Variants in ANO6 observed in about 807,000 individuals in gnomAD.
The protein encoded by ANO6 is anoctamin 6.
Under a neutral mutation model 117.5 loss-of-function variants are expected in ANO6, and 106 were observed. The observed-to-expected ratio is 0.90, with a 90% CI of 0.77 to 1.06. The LOEUF (loss-of-function observed/expected upper bound fraction) is 1.06, where lower values mean the gene tolerates loss of function less well. Among genes scored for constraint, ANO6 ranks in the 50% least tolerant of loss-of-function variants. ANO6 has a pLI of 0.00. For synonymous variants in ANO6, 367 were observed against 385.1 expected (o/e 0.95, Z 0.55); for missense variants, 955 against 1,121.1 (o/e 0.85, Z 2.12).
At chr12:45,359,800 T>C (rs1483258311) in intron 8 of ANO6, among the ~76,000 whole-genome samples, 1 of 152,234 alleles carries the variant, frequency 6.6e-6, no homozygotes, top group East Asian at 1.9e-4. Flanking sequence ...CTTGAGAATA[T>C]AACAAAGAAT....
intron 1 of ANO6, chr12:45,293,003 CT>C: frequency 2.0e-6 from 3 of 1,538,402 alleles, no homozygotes; most frequent in South Asian, 2.4e-5. Flanking sequence ...GGGGAGGCTC[CT>C]TTTTTATAAA....
At chr12:45,260,961 TG>T (rs1243714148) in intron 1 of ANO6, among the ~76,000 whole-genome samples, 1 of 137,394 alleles carries the variant, frequency 7.3e-6, no homozygotes, top group African/African-American at 2.5e-5. Flanking sequence ...CTGTTTTTTT[TG>T]TTTGTTTGTT....
intron 7 of ANO6, among the ~76,000 whole-genome samples, chr12:45,355,273 AT>A (rs1941381089): frequency 6.6e-6 from 1 of 152,134 alleles, no homozygotes; most frequent in South Asian, 2.1e-4. Context: ...AATCCTCATT[AT>A]TTCCAGCTTT....
At position 45,409,410 on chromosome 12, in the gene ANO6, T is replaced by C; in HGVS notation, c.1934T>C (p.Ile645Thr). ...CACAGAGTTTCTGGATCAGAAAAGATAACCCCACGATGGGAACAGGACTAC... is the reference window on the plus strand; with the variant it reads ...CACAGAGTTTCTGGATCAGAAAAGACAACCCCACGATGGGAACAGGACTAC... ...RFHRVSGSEKITPRWEQDYHL... is the reference protein window; with the variant it reads ...RFHRVSGSEKTTPRWEQDYHL... Residue 645 changes from isoleucine to threonine, a missense_variant, in exon 16 of 20, where the codon ATA (isoleucine) becomes ACA (threonine). By Grantham distance (89) the Ile-to-Thr change is moderately conservative. Transcript: ENST00000320560. 1 of 1,614,044 alleles carries C rather than the reference T, an allele frequency of 6.2e-7. No homozygotes were observed. Among genetic ancestry groups the C allele is most frequent in the Non-Finnish European group, 8.5e-7 (1 of 1,179,918 alleles).
rs917484671 is a variant in ANO6 at position 45,216,158 on chromosome 12, G to A, written c.-164G>A. Reference sequence around the variant, plus strand: ...CGGCTCTGGGCTCCGGTCGGTGGGTGCCTCGGCTCGGCTTTCCCCGGCGCT... The same window carrying A: ...CGGCTCTGGGCTCCGGTCGGTGGGTACCTCGGCTCGGCTTTCCCCGGCGCT... On this transcript the variant is annotated 5_prime_UTR_variant, in exon 1 of 20. Coordinates refer to ENST00000320560, the MANE Select transcript of ANO6 (RefSeq NM_001025356.3). 26 of 739,560 alleles carry A rather than the reference G, an allele frequency of 3.5e-5. No homozygotes were observed. In the East Asian group the frequency reaches 6.4e-4, roughly 18 times the overall value. 45.8% of individuals were successfully genotyped at this position (739,560 alleles called of 1,614,324 possible).
At chr12:45,278,824 G>A (rs996902299) in intron 1 of ANO6, among the ~76,000 whole-genome samples, 1 of 152,152 alleles carries the variant, frequency 6.6e-6, no homozygotes, top group Non-Finnish European at 1.5e-5. Context: ...GTAGTGGATG[G>A]CATTTGGCAA....
intron 1 of ANO6, among the ~76,000 whole-genome samples, chr12:45,222,508 G>T (rs1016616444): frequency 6.6e-6 from 1 of 152,026 alleles, no homozygotes; most frequent in African/African-American, 2.4e-5. Context: ...TTTTCTCAGT[G>T]GTTCCCTGTG....
At chr12:45,426,363 A>G (rs1943502207) in intron 19 of ANO6, among the ~76,000 whole-genome samples, 1 of 151,992 alleles carries the variant, frequency 6.6e-6, no homozygotes. Flanking sequence ...ACACACTAAT[A>G]TCTCTCACAT....
rs910111650 is a variant in ANO6, at chr12:45,409,846, C to T, written c.2011+359C>T. Among the ~76,000 whole-genome samples, 5 of 152,250 alleles carry T rather than the reference C, an allele frequency of 3.3e-5. 1 individual carries two copies. The highest frequency in any genetic ancestry group is 3.9e-4 in the East Asian group (2 of 5,184). ...TCGTGGCTCACTGCAACCTCCACCTCCCAGGTTCAAGCAATTCTCCTGCCT... is the reference window on the plus strand; with the variant it reads ...TCGTGGCTCACTGCAACCTCCACCTTCCAGGTTCAAGCAATTCTCCTGCCT... On this transcript the variant is annotated intron_variant, in intron 16 of 19. Coordinates refer to ENST00000320560, the MANE Select transcript of ANO6 (RefSeq NM_001025356.3).
intron 3 of ANO6, among the ~76,000 whole-genome samples, chr12:45,332,216 C>T (rs1451584124): frequency 6.6e-6 from 1 of 151,936 alleles, no homozygotes; most frequent in East Asian, 1.9e-4. Flanking sequence ...GTTACTTTCA[C>T]CCACTTTAGA....
At chr12:45,372,082 G>C (rs1323079185) in intron 9 of ANO6, among the ~76,000 whole-genome samples, 1 of 142,772 alleles carries the variant, frequency 7.0e-6, no homozygotes, top group Non-Finnish European at 1.5e-5. Flanking sequence ...CTCAGGAGCT[G>C]ATGCGATCAA....
At chr12:45,413,437 T>TA (rs2137671493) in intron 16 of ANO6, among the ~76,000 whole-genome samples, 1 of 152,340 alleles carries the variant, frequency 6.6e-6, no homozygotes, top group East Asian at 1.9e-4. Context: ...TGGATATTTT[T>TA]AGCATGAAAA....
At chr12:45,378,261 G>A (rs1278433374) in intron 10 of ANO6, 148 bp downstream of exon 10, 2 of 763,366 alleles carry the variant, frequency 2.6e-6, no homozygotes, top group South Asian at 3.4e-5. Flanking sequence ...GCATTTATCA[G>A]TTAACTTTTA....
Position 45,348,032 on chromosome 12 carries a change from T to A in ANO6, c.350T>A (p.Leu117Ter). The change falls in exon 5 of 20, where the codon TTG (leucine) becomes TAG (stop). Residue 117 changes from leucine to a stop codon, truncating the protein, a stop_gained. Transcript: ENST00000320560. LOFTEE classifies it high-confidence loss of function. ...GLQLEATRSV[L>*]DDKLVFVKVH... ...GTTTTTATTTTTCCAATATAGGTATTGGATGACAAGCTTGTATTTGTAAAA... is the reference window on the plus strand; with the variant it reads ...GTTTTTATTTTTCCAATATAGGTATAGGATGACAAGCTTGTATTTGTAAAA... 6.2e-7 allele frequency: 1 copy of A among 1,613,716 alleles called. No homozygotes were observed. The highest frequency in any genetic ancestry group is 8.5e-7 in the Non-Finnish European group (1 of 1,179,846).
At chr12:45,348,839 G>A (rs1408850150) in intron 6 of ANO6, among the ~76,000 whole-genome samples, 5 of 152,158 alleles carry the variant, frequency 3.3e-5, no homozygotes, top group Non-Finnish European at 4.4e-5. Context: ...TTAAAGGAGC[G>A]AATGAATGAA....
intron 2 of ANO6, among the ~76,000 whole-genome samples, chr12:45,308,891 A>G (rs562942821): frequency 1.3e-5 from 2 of 152,148 alleles, no homozygotes; most frequent in South Asian, 2.1e-4. Context: ...GGAGAGTACA[A>G]TATTGGCAAG....
intron 9 of ANO6, among the ~76,000 whole-genome samples, chr12:45,371,873 C>T (rs1253134631): frequency 1.6e-4 from 24 of 152,044 alleles, no homozygotes; most frequent in Admixed American, 2.6e-4. Context: ...ATGACTTTGA[C>T]GAGCTGAGAG....
chr12:45,335,967 C>A (rs1240638773), intron 3 of ANO6, among the ~76,000 whole-genome samples: 1 of 151,902 alleles, frequency 6.6e-6, no homozygotes, highest in Non-Finnish European at 1.5e-5. Context: ...TCTTTCTTTG[C>A]CATATTTATA....
downstream of ANO6, among the ~76,000 whole-genome samples, chr12:45,435,205 T>C (rs906797339): frequency 6.6e-6 from 1 of 152,240 alleles, no homozygotes; most frequent in South Asian, 2.1e-4. Context: ...CCTTGGCAGT[T>C]TGTCAGCCTG....
Sources: allele counts gnomAD v4.1 joint callset (sites outside exome capture counted in the v4.1 genomes callset), GRCh38; gene constraint gnomAD v4.1.1; transcripts MANE v1.5; gene names NCBI Gene and HGNC (gene_info 2026-07-23, HGNC 2026-07-21).